ATP2B2: variants seen among roughly 807,000 people sequenced by gnomAD.
ATP2B2 encodes plasma membrane calcium-transporting ATPase 2.
Under a neutral mutation model 120.0 loss-of-function variants are expected in ATP2B2, and 15 were observed. The observed-to-expected ratio is 0.12, with a 90% CI of 0.08 to 0.19. The LOEUF (loss-of-function observed/expected upper bound fraction) is 0.19, where lower values mean the gene tolerates loss of function less well. Ranked by LOEUF, ATP2B2 falls within the 10% of genes least tolerant of loss-of-function variation. ATP2B2 has a pLI of 1.00. For synonymous variants in ATP2B2, 694 were observed against 700.3 expected (o/e 0.99, Z 0.14); for missense variants, 1,045 against 1,719.8 (o/e 0.61, Z 6.94).
At chr3:10,616,150 T>C (rs914724223) in intron 2 of ATP2B2, among the ~76,000 whole-genome samples, 69 of 152,246 alleles carry the variant, frequency 4.5e-4, no homozygotes, top group Non-Finnish European at 8.8e-5. Flanking sequence ...TGTTACAGCC[T>C]GAATTGTGTC....
intron 14 of ATP2B2, 94 bp from the exon 15 acceptor site, chr3:10,350,671 G>T: frequency 7.3e-7 from 1 of 1,371,990 alleles, no homozygotes; most frequent in Non-Finnish European, 1.0e-6. Flanking sequence ...CTCACAGGCA[G>T]CTCTACTGAA....
rs368524742 is a variant in ATP2B2, at chr3:10,491,247, C to T, written c.-320+14218G>A. 5.5e-4 allele frequency among the ~76,000 whole-genome samples: 75 copies of T among 136,730 alleles called. 1 individual carries two copies. Among genetic ancestry groups the T allele is most frequent in the Middle Eastern group, 3.9e-3 (1 of 256 alleles). The allele number at this position is 136,730 out of a possible 152,430, so 89.7% of individuals were successfully genotyped here. A position where few individuals can be genotyped will look rare whatever the true frequency, so the allele number is the denominator to read the frequency against. On this transcript the variant is annotated intron_variant, in intron 1 of 22. Transcript: ENST00000360273. The stretch of plus-strand genomic sequence containing the variant: ...CCATTTTTTTTTTTTTTTTTTGAGA[C>T]GGTGTTTCACTCTTGTCACCCAGGC...
At chr3:10,618,712 C>T (rs965493648) in intron 2 of ATP2B2, among the ~76,000 whole-genome samples, 43 of 152,186 alleles carry the variant, frequency 2.8e-4, no homozygotes, top group African/African-American at 1.0e-3. Context: ...ACTACTACAA[C>T]ACACTTGTAT....
At chr3:10,553,310 T>C (rs949896229) in intron 2 of ATP2B2, among the ~76,000 whole-genome samples, 4 of 152,194 alleles carry the variant, frequency 2.6e-5, no homozygotes, top group Non-Finnish European at 5.9e-5. Flanking sequence ...CTGGTTTGCC[T>C]CAGTTTCCTC....
intron 2 of ATP2B2, 97 bp downstream of exon 2, chr3:10,449,248 C>T (rs1575259342): frequency 1.5e-6 from 2 of 1,346,974 alleles, no homozygotes; most frequent in East Asian, 2.4e-5. Flanking sequence ...TTCTCTGACA[C>T]ATCCCTGCTG....
At chr3:10,472,418 G>A (rs2125288936) in intron 1 of ATP2B2, among the ~76,000 whole-genome samples, 1 of 152,340 alleles carries the variant, frequency 6.6e-6, no homozygotes, top group Middle Eastern at 3.4e-3. Flanking sequence ...CTTGCTGGGG[G>A]GACGCTGCGG....
At chr3:10,627,572 A>G (rs547997678) in intron 1 of ATP2B2, among the ~76,000 whole-genome samples, 1 of 152,122 alleles carries the variant, frequency 6.6e-6, no homozygotes, top group African/African-American at 2.4e-5. Flanking sequence ...TCATCCTCCA[A>G]AATGTGAGAA....
Position 10,592,929 on chromosome 3 carries a change from T to C in ATP2B2, c.-415+26988A>G, listed in dbSNP as rs60602260. On this transcript the variant is annotated intron_variant, in intron 2 of 21. Coordinates refer to the ATP2B2 transcript ENST00000646379. The stretch of plus-strand genomic sequence containing the variant: ...TCCTGAGTAGCTGGGACTACAGGTA[T>C]GCACCACCACCACGCCTGGCTAATT... 6.3e-3 allele frequency among the ~76,000 whole-genome samples: 953 copies of C among 152,142 alleles called. 10 individuals carry two copies. The highest frequency in any genetic ancestry group is 0.021 in the African/African-American group (870 of 41,440).
intron 14 of ATP2B2, among the ~76,000 whole-genome samples, chr3:10,356,644 G>GGGAGGC (rs2060739710): frequency 6.6e-6 from 1 of 152,240 alleles, no homozygotes; most frequent in Non-Finnish European, 1.5e-5. Flanking sequence ...CCCGGGAAGG[G>GGGAGGC]GGAGGCTGTG....
chr3:10,483,936 AG>A (rs1287653353), intron 1 of ATP2B2, among the ~76,000 whole-genome samples: 1 of 141,926 alleles, frequency 7.0e-6, no homozygotes, highest in African/African-American at 2.6e-5. Flanking sequence ...CCAGGGATAA[AG>A]GGGTCTCCCC....
intron 3 of ATP2B2, among the ~76,000 whole-genome samples, chr3:10,533,203 T>C (rs890313955): frequency 6.6e-6 from 1 of 152,166 alleles, no homozygotes; most frequent in Non-Finnish European, 1.5e-5. Flanking sequence ...ACATGGTTGA[T>C]TTCAGCAAGG....
In ATP2B2 at chr3:10,326,725, A is replaced by T. The variant is rs2059864150; in HGVS notation, c.*2089T>A. The T allele has an allele frequency of 2.5e-6, 1 of 398,904 alleles. No homozygotes were observed. Among genetic ancestry groups the T allele is most frequent in the Non-Finnish European group, 4.4e-6 (1 of 226,070 alleles). 24.7% of individuals were successfully genotyped at this position (398,904 alleles called of 1,614,324 possible). ...TCAGAGATACTTCTTCACGACATTC[A>T]GGTGATGCGCTCTTGAAGGTCCTCC... is the stretch of plus-strand genomic sequence containing the variant. On this transcript the variant is annotated 3_prime_UTR_variant, in exon 23 of 23. Transcript: ENST00000360273.
intron 2 of ATP2B2, among the ~76,000 whole-genome samples, chr3:10,538,882 C>T (rs1238116181): frequency 6.6e-6 from 1 of 152,156 alleles, no homozygotes; most frequent in Non-Finnish European, 1.5e-5. Context: ...CCAGGGCAAT[C>T]AGGCAGGAGA....
At chr3:10,612,268 G>T (rs1374971105) in intron 2 of ATP2B2, among the ~76,000 whole-genome samples, 2 of 152,082 alleles carry the variant, frequency 1.3e-5, no homozygotes, top group East Asian at 1.9e-4. Context: ...TCCCACCTTG[G>T]TCCTCTTCAA....
intron 3 of ATP2B2, among the ~76,000 whole-genome samples, chr3:10,530,927 T>C (rs922818514): frequency 6.6e-6 from 1 of 152,200 alleles, no homozygotes; most frequent in African/African-American, 2.4e-5. Flanking sequence ...CTGGGGAGGA[T>C]TTAGTTGTCG....
chr3:10,472,397 T>C (rs1262172207), intron 1 of ATP2B2, among the ~76,000 whole-genome samples: 1 of 152,172 alleles, frequency 6.6e-6, no homozygotes, highest in Non-Finnish European at 1.5e-5. Context: ...CTGCACTGAC[T>C]GCCCAGACCT....
At chr3:10,388,551 G>A (rs1311127552) in intron 5 of ATP2B2, 149 bp from the exon 6 acceptor site, 2 of 1,216,174 alleles carry the variant, frequency 1.6e-6, no homozygotes, top group African/African-American at 1.5e-5. Context: ...CACTGTGTGT[G>A]TGGTGGGCTC....
chr3:10,339,615 G>A (rs1484876432), intron 21 of ATP2B2, among the ~76,000 whole-genome samples: 2 of 152,192 alleles, frequency 1.3e-5, no homozygotes, highest in African/African-American at 2.4e-5. Context: ...GGCCCCTAAA[G>A]AGCATCCAGC....
intron 2 of ATP2B2, among the ~76,000 whole-genome samples, chr3:10,539,291 T>C (rs769702916): frequency 4.6e-5 from 7 of 152,166 alleles, no homozygotes; most frequent in Non-Finnish European, 1.0e-4. Flanking sequence ...AAAATGGCCA[T>C]ACTGCCCAAG....
Sources: allele counts gnomAD v4.1 joint callset (sites outside exome capture counted in the v4.1 genomes callset), GRCh38; gene constraint gnomAD v4.1.1; transcripts MANE v1.5; gene names NCBI Gene and HGNC (gene_info 2026-07-23, HGNC 2026-07-21).